CLPB: variants seen among roughly 807,000 people sequenced by gnomAD.
CLPB encodes mitochondrial disaggregase.
A neutral mutation model predicts 78.4 loss-of-function variants in CLPB; 40 were observed. That is an observed-to-expected ratio of 0.51 (90% confidence interval 0.40 to 0.66). The LOEUF (loss-of-function observed/expected upper bound fraction) is 0.66. Ranked by LOEUF, CLPB falls within the 30% of genes least tolerant of loss-of-function variation. The pLI is 0.00. For missense variants in CLPB, 780 were observed against 886.9 expected (o/e 0.88, Z 1.53); for synonymous variants, 333 against 348.0 (o/e 0.96, Z 0.48).
intron 2 of CLPB, among the ~76,000 whole-genome samples, chr11:72,407,460 G>T (rs984249769): frequency 2.0e-5 from 3 of 152,138 alleles, no homozygotes; most frequent in Non-Finnish European, 4.4e-5. Flanking sequence ...TGCATTTCGG[G>T]ATTTTCTCTT....
At chr11:72,326,599 AG>A (rs916462808) in intron 6 of CLPB, among the ~76,000 whole-genome samples, 2 of 152,106 alleles carry the variant, frequency 1.3e-5, no homozygotes, top group African/African-American at 4.8e-5. Flanking sequence ...GGGGATGCTG[AG>A]CAGAGAGAAG....
intron 6 of CLPB, among the ~76,000 whole-genome samples, chr11:72,318,642 T>C (rs1949992556): frequency 6.6e-6 from 1 of 152,198 alleles, no homozygotes; most frequent in South Asian, 2.1e-4. Flanking sequence ...GGGCAGTGTT[T>C]TCCTGTTACA....
intron 5 of CLPB, among the ~76,000 whole-genome samples, chr11:72,355,932 C>G (rs1012162148): frequency 4.6e-5 from 7 of 152,186 alleles, no homozygotes; most frequent in African/African-American, 1.7e-4. Flanking sequence ...TGCTTTGGAT[C>G]TCACAGAATC....
intron 4 of CLPB, among the ~76,000 whole-genome samples, chr11:72,373,982 A>T (rs1032750307): frequency 3.0e-4 from 40 of 135,126 alleles, no homozygotes; most frequent in African/African-American, 9.9e-4. Flanking sequence ...AAAAAAAAAA[A>T]GAACATTACT....
At chr11:72,403,162 T>A (rs552803403) in intron 2 of CLPB, 110 bp from the exon 3 acceptor site, 2 of 1,021,750 alleles carry the variant, frequency 2.0e-6, no homozygotes, top group South Asian at 1.4e-5. Flanking sequence ...TTATCATGGA[T>A]GTAAAAGTAG....
chr11:72,363,202 A>G (rs1590848806), intron 4 of CLPB, among the ~76,000 whole-genome samples: 2 of 137,826 alleles, frequency 1.5e-5, no homozygotes, highest in African/African-American at 2.7e-5. Flanking sequence ...AAGGGAAGGG[A>G]GGGGAGGGGA....
At chr11:72,404,484 A>G (rs1855647469) in intron 2 of CLPB, among the ~76,000 whole-genome samples, 1 of 152,248 alleles carries the variant, frequency 6.6e-6, no homozygotes, top group Non-Finnish European at 1.5e-5. Flanking sequence ...AACATCATGT[A>G]CTAAGGCTTC....
chr11:72,329,892 T>A (rs1950194258), intron 5 of CLPB, 88 bp from the exon 6 acceptor site: 5 of 989,730 alleles, frequency 5.1e-6, no homozygotes, highest in Non-Finnish European at 7.8e-6. Context: ...GGCTCTGATT[T>A]CTATGTTGGG....
chr11:72,376,419 TA>T (rs1249656718), intron 4 of CLPB, among the ~76,000 whole-genome samples: 1 of 152,134 alleles, frequency 6.6e-6, no homozygotes, highest in Non-Finnish European at 1.5e-5. Flanking sequence ...GAGAAGATTC[TA>T]AAAGACTATC....
intron 5 of CLPB, 148 bp from the exon 6 acceptor site, chr11:72,329,952 C>A: frequency 1.7e-6 from 1 of 603,536 alleles, no homozygotes; most frequent in Non-Finnish European, 3.0e-6. Context: ...ACTGGGGCTC[C>A]TACATGTGCA....
chr11:72,365,018 G>A (rs1041793420), intron 4 of CLPB, among the ~76,000 whole-genome samples: 2 of 152,258 alleles, frequency 1.3e-5, no homozygotes, highest in African/African-American at 4.8e-5. Flanking sequence ...TCAGGAAAGT[G>A]CAAATCAAAA....
At chr11:72,296,962 C>T (rs1383092084) in intron 11 of CLPB, among the ~76,000 whole-genome samples, 1 of 152,188 alleles carries the variant, frequency 6.6e-6, no homozygotes, top group Non-Finnish European at 1.5e-5. Flanking sequence ...GAGCCCATGC[C>T]CTTCCTCTGC....
intron 5 of CLPB, among the ~76,000 whole-genome samples, chr11:72,335,674 C>T (rs138075018): frequency 6.6e-6 from 1 of 152,306 alleles, no homozygotes; most frequent in East Asian, 1.9e-4. Context: ...ACTGCATTGG[C>T]CACCCTGCAT....
rs564416086 is a variant in CLPB at position 72,377,649 on chromosome 11, AAAGGGGAAGGG to A, written c.646+2621_646+2631del. ...AAGAAAAAAGAAAAGAAAGGGAAGC[AAAGGGGAAGGG>A]AAGGGGAAGGGAAGGGGAAGGGAAG... On this transcript the variant is annotated intron_variant, in intron 4 of 15. Transcript: ENST00000538039. 6.6e-3 allele frequency among the ~76,000 whole-genome samples: 791 copies of A among 120,142 alleles called. 9 individuals are homozygous for A. Among genetic ancestry groups the A allele is most frequent in the African/African-American group, 0.022 (630 of 28,102 alleles). 78.8% of individuals were successfully genotyped at this position (120,142 alleles called of 152,430 possible). A position where few individuals can be genotyped will look rare whatever the true frequency, so the allele number is the denominator to read the frequency against.
intron 5 of CLPB, chr11:72,353,335 C>T (rs1379032416): frequency 6.6e-6 from 1 of 152,200 alleles, no homozygotes; most frequent in Non-Finnish European, 1.5e-5. Context: ...TCGTTAAAGC[C>T]CAAGTGTTTC....
intron 2 of CLPB, 129 bp from the exon 3 acceptor site, chr11:72,403,181 A>G (rs1016639768): frequency 9.1e-6 from 8 of 883,092 alleles, no homozygotes; most frequent in African/African-American, 1.6e-5. Flanking sequence ...AGAAACAACC[A>G]TAGAAGAAAT....
chr11:72,296,081 C>A (rs1949547072), intron 11 of CLPB, among the ~76,000 whole-genome samples: 1 of 152,190 alleles, frequency 6.6e-6, no homozygotes, highest in African/African-American at 2.4e-5. Context: ...ATACAGGAAA[C>A]AAGCACTGAC....
chr11:72,422,277 A>C (rs551220731), intron 2 of CLPB, among the ~76,000 whole-genome samples: 3,843 of 149,884 alleles, frequency 0.026, 78 homozygotes, highest in Non-Finnish European at 0.039. Flanking sequence ...AAAAAAAAAA[A>C]AAAAAAAAAA....
intron 2 of CLPB, among the ~76,000 whole-genome samples, chr11:72,424,602 A>G (rs897822639): frequency 6.6e-6 from 1 of 151,776 alleles, no homozygotes; most frequent in Non-Finnish European, 1.5e-5. Flanking sequence ...ACTTAAAAAA[A>G]AAACAAAAAT....
Sources: allele counts gnomAD v4.1 joint callset (sites outside exome capture counted in the v4.1 genomes callset), GRCh38; gene constraint gnomAD v4.1.1; transcripts MANE v1.5; gene names NCBI Gene and HGNC (gene_info 2026-07-23, HGNC 2026-07-21).